The following IMMP2L variants were observed in gnomAD, a reference collection of about 807,000 sequenced individuals.
The protein encoded by IMMP2L is mitochondrial inner membrane protease subunit 2.
IMMP2L carries 18 observed loss-of-function variants against 19.3 expected under a neutral mutation model. The ratio of observed to expected loss-of-function variants is 0.93; its 90% confidence interval spans 0.64 to 1.38. The LOEUF is 1.38. Ranked by LOEUF, IMMP2L falls within the 40% of genes most tolerant of loss-of-function variation. The probability of loss-of-function intolerance (pLI) is 0.00; values close to 1 mark genes in which losing one functional copy is unlikely to be tolerated. For synonymous variants in IMMP2L, 76 were observed against 73.0 expected (o/e 1.04, Z -0.21); for missense variants, 233 against 218.2 (o/e 1.07, Z -0.43).
chr7:111,206,488 A>T (rs1278785387), intron 3 of IMMP2L, among the ~76,000 whole-genome samples: 1 of 152,048 alleles, frequency 6.6e-6, no homozygotes, highest in Non-Finnish European at 1.5e-5. Context: ...TGTGCTCTTC[A>T]GATTTTTTTT....
At chr7:111,294,392 A>G (rs1821412887) in intron 3 of IMMP2L, among the ~76,000 whole-genome samples, 1 of 151,948 alleles carries the variant, frequency 6.6e-6, no homozygotes, top group African/African-American at 2.4e-5. Context: ...CTTGTCAAAC[A>G]AAAGTAAACA....
chr7:111,377,076 A>G (rs1369275965), intron 3 of IMMP2L, among the ~76,000 whole-genome samples: 1 of 151,946 alleles, frequency 6.6e-6, no homozygotes, highest in Non-Finnish European at 1.5e-5. Context: ...AGGTGTTTTT[A>G]AAATAAATAT....
chr7:111,178,385 T>C (rs550118603), intron 3 of IMMP2L, among the ~76,000 whole-genome samples: 2 of 152,188 alleles, frequency 1.3e-5, no homozygotes, highest in South Asian at 4.1e-4. Context: ...TCTATGTTGA[T>C]GGCTGCTGAC....
chr7:111,472,938 GA>G (rs923372297), intron 3 of IMMP2L, among the ~76,000 whole-genome samples: 36 of 145,746 alleles, frequency 2.5e-4, no homozygotes, highest in African/African-American at 8.8e-4. Flanking sequence ...TCTACTAAAA[GA>G]AAAAAAAGAA....
At chr7:111,442,627 A>G (rs1283683331) in intron 3 of IMMP2L, among the ~76,000 whole-genome samples, 1 of 151,800 alleles carries the variant, frequency 6.6e-6, no homozygotes, top group African/African-American at 2.4e-5. Context: ...CAACCGCAAT[A>G]TGTCTGTATA....
intron 4 of IMMP2L, among the ~76,000 whole-genome samples, chr7:110,898,021 CA>C (rs531261377): frequency 0.03 from 4,385 of 146,162 alleles, 216 homozygotes; most frequent in African/African-American, 0.1. Flanking sequence ...AGAGCATAGA[CA>C]AAAAAAAAGG....
intron 3 of IMMP2L, among the ~76,000 whole-genome samples, chr7:111,111,945 T>A (rs1434040633): frequency 8.1e-6 from 1 of 123,308 alleles, no homozygotes; most frequent in Non-Finnish European, 1.7e-5. Flanking sequence ...ATAGTTTGTT[T>A]TTTTTTTTTT....
At chr7:111,409,377 T>C (rs1834174203) in intron 3 of IMMP2L, among the ~76,000 whole-genome samples, 1 of 151,612 alleles carries the variant, frequency 6.6e-6, no homozygotes, top group Non-Finnish European at 1.5e-5. Context: ...TCCCCATGGA[T>C]AACATATAAC....
At chr7:111,485,501 A>C (rs1421083112) in intron 3 of IMMP2L, among the ~76,000 whole-genome samples, 1 of 148,224 alleles carries the variant, frequency 6.7e-6, no homozygotes, top group Admixed American at 6.8e-5. Flanking sequence ...AGGAGGCTGA[A>C]GCAGGAGAAT....
chr7:111,211,983 C>G (rs1330892776), intron 3 of IMMP2L, among the ~76,000 whole-genome samples: 7 of 151,994 alleles, frequency 4.6e-5, no homozygotes, highest in Admixed American at 1.3e-4. Flanking sequence ...GGAGACAGAG[C>G]AAGACTCCGT....
At chr7:110,859,739 G>C (rs1387334385) in intron 5 of IMMP2L, among the ~76,000 whole-genome samples, 1 of 147,558 alleles carries the variant, frequency 6.8e-6, no homozygotes, top group Non-Finnish European at 1.5e-5. Context: ...GACAGAGTGA[G>C]ACCCTGTCTC....
At chr7:110,900,893 G>A (rs1402415809) in intron 4 of IMMP2L, among the ~76,000 whole-genome samples, 1 of 151,968 alleles carries the variant, frequency 6.6e-6, no homozygotes, top group Non-Finnish European at 1.5e-5. Context: ...ATCTGGCCAT[G>A]GCTACACTTT....
intron 3 of IMMP2L, among the ~76,000 whole-genome samples, chr7:111,224,042 C>T (rs1392729299): frequency 6.6e-6 from 1 of 151,998 alleles, no homozygotes; most frequent in Non-Finnish European, 1.5e-5. Context: ...GAAAACAGAG[C>T]ATCTCAATTC....
chr7:111,379,552 T>C (rs972283853), intron 3 of IMMP2L, among the ~76,000 whole-genome samples: 1 of 151,728 alleles, frequency 6.6e-6, no homozygotes, highest in Non-Finnish European at 1.5e-5. Flanking sequence ...AGAATAATCA[T>C]AATTCCCTTA....
chr7:111,459,069 C>T (rs1013557165), intron 3 of IMMP2L, among the ~76,000 whole-genome samples: 4 of 152,014 alleles, frequency 2.6e-5, no homozygotes, highest in Non-Finnish European at 5.9e-5. Context: ...TGAAAATAGC[C>T]ACTAAAAAAT....
At chr7:111,355,123 T>C (rs1199104541) in intron 3 of IMMP2L, among the ~76,000 whole-genome samples, 1 of 151,876 alleles carries the variant, frequency 6.6e-6, no homozygotes, top group African/African-American at 2.4e-5. Flanking sequence ...TATAATACAG[T>C]ACTCTAAAAC....
At chr7:110,897,844 C>T (rs1811477445) in intron 4 of IMMP2L, among the ~76,000 whole-genome samples, 1 of 151,952 alleles carries the variant, frequency 6.6e-6, no homozygotes, top group African/African-American at 2.4e-5. Context: ...TATGATTTAT[C>T]CTTTGTAAAA....
chr7:111,340,375 T>C (rs1037792266), intron 3 of IMMP2L, among the ~76,000 whole-genome samples: 3 of 152,092 alleles, frequency 2.0e-5, no homozygotes, highest in African/African-American at 7.2e-5. Flanking sequence ...AAAGATGTTA[T>C]TCTAGTTGTT....
At position 110,949,787 on chromosome 7, in the gene IMMP2L, G is replaced by A. The variant is rs78977807; in HGVS notation, c.305+13713C>T. On this transcript the variant is annotated intron_variant, in intron 4 of 5. Transcript: ENST00000405709. ...AAGTGCAATTTCTTGCCAACACGTC[G>A]CAATATGCAGGAAGAAGCAGGTTAA... 9.5e-3 allele frequency among the ~76,000 whole-genome samples: 1,445 copies of A among 152,066 alleles called. 27 individuals are homozygous for A. The highest frequency in any genetic ancestry group is 0.033 in the African/African-American group (1,374 of 41,456).
Sources: allele counts gnomAD v4.1 joint callset (sites outside exome capture counted in the v4.1 genomes callset), GRCh38; gene constraint gnomAD v4.1.1; transcripts MANE v1.5; gene names NCBI Gene and HGNC (gene_info 2026-07-23, HGNC 2026-07-21).